Variants in COLGALT2 observed in about 807,000 individuals in gnomAD.
The protein encoded by COLGALT2 is procollagen galactosyltransferase 2.
Under a neutral mutation model 73.4 loss-of-function variants are expected in COLGALT2, and 49 were observed. That is an observed-to-expected ratio of 0.67 (90% CI 0.53 to 0.85). COLGALT2 has a LOEUF of 0.85. COLGALT2 is among the 40% of genes least tolerant of loss of function. COLGALT2 has a pLI of 0.00. For synonymous variants in COLGALT2, 295 were observed against 307.6 expected (o/e 0.96, Z 0.43); for missense variants, 722 against 790.2 (o/e 0.91, Z 1.03).
intron 1 of COLGALT2, among the ~76,000 whole-genome samples, chr1:184,012,237 T>C (rs1385682484): frequency 2.6e-5 from 4 of 152,184 alleles, no homozygotes; most frequent in Non-Finnish European, 5.9e-5. Flanking sequence ...TGTGCAAATG[T>C]CTCTCTAAGT....
chr1:183,932,712 C>T (rs1184239220), downstream of COLGALT2, among the ~76,000 whole-genome samples: 1 of 152,172 alleles, frequency 6.6e-6, no homozygotes, highest in African/African-American at 2.4e-5. Flanking sequence ...GCAGGCTTTG[C>T]AGTGGGCACT....
At chr1:184,002,138 TC>T (rs1453811981) in intron 1 of COLGALT2, among the ~76,000 whole-genome samples, 1 of 152,248 alleles carries the variant, frequency 6.6e-6, no homozygotes, top group African/African-American at 2.4e-5. Flanking sequence ...AGCCCAGTGC[TC>T]ACTGTACATC....
intron 1 of COLGALT2, among the ~76,000 whole-genome samples, chr1:183,991,719 G>T (rs961885603): frequency 4.6e-5 from 7 of 152,218 alleles, no homozygotes; most frequent in African/African-American, 1.7e-4. Context: ...GGAGACTACA[G>T]TTTGGCAGGT....
chr1:184,030,259 G>C (rs763941678), intron 1 of COLGALT2, among the ~76,000 whole-genome samples: 16 of 152,122 alleles, frequency 1.1e-4, no homozygotes, highest in Non-Finnish European at 1.9e-4. Flanking sequence ...TCACTCTTTT[G>C]AAATAAAAAT....
rs761275477 is a variant in COLGALT2, at chr1:183,944,154, G to A, written c.1397+42C>T. The A allele has an allele frequency of 5.7e-6, 9 of 1,581,130 alleles. No homozygotes were observed. In the Admixed American group the frequency reaches 1.6e-4, roughly 29 times the overall value. ...CTCTCTGCGCATTGGAAAGGACTGAGTGCCTCTCAGAGCCCTCTCGTAAGA... is the reference window on the plus strand; with the variant it reads ...CTCTCTGCGCATTGGAAAGGACTGAATGCCTCTCAGAGCCCTCTCGTAAGA... On this transcript the variant is annotated intron_variant, in intron 10 of 11. Transcript: ENST00000361927.
intron 1 of COLGALT2, among the ~76,000 whole-genome samples, chr1:184,000,910 A>G (rs969562304): frequency 4.0e-5 from 6 of 150,398 alleles, no homozygotes; most frequent in Non-Finnish European, 8.8e-5. Flanking sequence ...GCTCACTGCA[A>G]GCTCTGCCTC....
chr1:184,009,591 ATTCT>A (rs1301711915), intron 1 of COLGALT2, among the ~76,000 whole-genome samples: 1 of 152,124 alleles, frequency 6.6e-6, no homozygotes, highest in Non-Finnish European at 1.5e-5. Context: ...AGTTTTTATG[ATTCT>A]TTCAGATTTT....
chr1:184,002,103 C>G (rs1272801917), intron 1 of COLGALT2, among the ~76,000 whole-genome samples: 1 of 152,240 alleles, frequency 6.6e-6, no homozygotes, highest in Admixed American at 6.5e-5. Context: ...AAACACTAGA[C>G]TAGTGGAAGT....
rs1275569104 is a variant in COLGALT2, at chr1:183,945,562, G to GC, written c.1138dup (p.Ala380GlyfsTer13). 3 of 1,613,884 alleles carry GC rather than the reference G, an allele frequency of 1.9e-6. No individual in the cohort carries two copies. The highest frequency in any genetic ancestry group is 2.5e-6 in the Non-Finnish European group (3 of 1,179,984). On this transcript the variant is annotated frameshift_variant and splice_region_variant, in exon 9 of 12. Coordinates refer to ENST00000361927, the MANE Select transcript of COLGALT2 (RefSeq NM_015101.4). LOFTEE classifies it high-confidence loss of function. Reference sequence around the variant, plus strand: ...TGCCTTCAGCTGGCTTGTGTTGAGTGCCCTGCATCACATAAAACACGTCTG... The same window carrying GC: ...TGCCTTCAGCTGGCTTGTGTTGAGTGCCCCTGCATCACATAAAACACGTCTG...
intron 11 of COLGALT2, among the ~76,000 whole-genome samples, chr1:183,930,569 C>CTTTTTTTTTTTTTTT (rs397861890): frequency 1.5e-4 from 17 of 114,066 alleles, no homozygotes; most frequent in Admixed American, 3.0e-4. Flanking sequence ...TTTTCTTTTT[C>CTTTTTTTTTTTTTTT]TTTTTTTTTT....
intron 1 of COLGALT2, among the ~76,000 whole-genome samples, chr1:184,017,931 A>G (rs755799289): frequency 1.3e-5 from 2 of 152,200 alleles, no homozygotes; most frequent in African/African-American, 4.8e-5. Context: ...GAGTTAATTC[A>G]TGGGAACCAT....
chr1:183,969,710 A>G (rs1004632557), intron 4 of COLGALT2, among the ~76,000 whole-genome samples: 1 of 152,246 alleles, frequency 6.6e-6, no homozygotes, highest in Non-Finnish European at 1.5e-5. Context: ...TTATTTCAGC[A>G]TATCTCTAGA....
chr1:183,948,474 AT>A (rs1670305786), intron 8 of COLGALT2, among the ~76,000 whole-genome samples: 1 of 152,342 alleles, frequency 6.6e-6, no homozygotes, highest in African/African-American at 2.4e-5. Context: ...CAAAAGTCAC[AT>A]GTTCATCTTA....
At chr1:184,034,878 A>G (rs938886860) in intron 1 of COLGALT2, among the ~76,000 whole-genome samples, 1 of 152,256 alleles carries the variant, frequency 6.6e-6, no homozygotes, top group African/African-American at 2.4e-5. Flanking sequence ...CAAATGAGTT[A>G]ACAGTGCATG....
chr1:183,948,754 C>T (rs1670314923), intron 8 of COLGALT2, among the ~76,000 whole-genome samples: 1 of 152,072 alleles, frequency 6.6e-6, no homozygotes, highest in Admixed American at 6.5e-5. Flanking sequence ...AAATGGTATC[C>T]AGGTTTGAAA....
chr1:183,937,049 T>C lies in COLGALT2; in HGVS notation c.*1712A>G, dbSNP rs1669974075. The C allele has an allele frequency of 8.1e-7, 1 of 1,231,706 alleles. No individual in the cohort carries two copies. Among genetic ancestry groups the C allele is most frequent in the Non-Finnish European group, 1.0e-6 (1 of 987,956 alleles). The allele number at this position is 1,231,706 out of a possible 1,614,324, so 76.3% of individuals were successfully genotyped here. ...ATGCTGTTCAACCTTAATGTGGCAA[T>C]CAGTATCACATGGGCAGTGAACTGA... is the stretch of plus-strand genomic sequence containing the variant. On this transcript the variant is annotated 3_prime_UTR_variant, in exon 12 of 12. Coordinates refer to ENST00000361927, the MANE Select transcript of COLGALT2 (RefSeq NM_015101.4).
chr1:184,013,798 C>T (rs537817685), intron 1 of COLGALT2, among the ~76,000 whole-genome samples: 31 of 151,636 alleles, frequency 2.0e-4, no homozygotes, highest in Admixed American at 3.9e-4. Flanking sequence ...TGGGAGATGG[C>T]GGTGACTTGA....
At chr1:184,016,690 A>G (rs1296896499) in intron 1 of COLGALT2, among the ~76,000 whole-genome samples, 1 of 152,230 alleles carries the variant, frequency 6.6e-6, no homozygotes, top group Non-Finnish European at 1.5e-5. Flanking sequence ...TTAAATTTCA[A>G]AAGTGAATTT....
At chr1:183,933,707 C>T (rs6668065), downstream of COLGALT2, among the ~76,000 whole-genome samples, 1,598 of 152,254 alleles carry the variant, frequency 0.01, 23 homozygotes, top group African/African-American at 0.027. Flanking sequence ...CCCAGCCACC[C>T]GTGGAATAGG....
Sources: gnomAD v4.1 joint callset for allele counts (sites outside exome capture counted in the v4.1 genomes callset) on GRCh38, gnomAD v4.1.1 for gene constraint, MANE v1.5 for transcripts, NCBI Gene and HGNC (gene_info 2026-07-23, HGNC 2026-07-21) for gene names.